MLLT1: variants seen among roughly 807,000 people sequenced by gnomAD.
The protein encoded by MLLT1 is MLLT1 super elongation complex subunit.
A neutral mutation model predicts 55.1 loss-of-function variants in MLLT1; 11 were observed. The ratio of observed to expected loss-of-function variants is 0.20; its 90% confidence interval spans 0.13 to 0.33. MLLT1 has a LOEUF of 0.33. Among genes scored for constraint, MLLT1 ranks in the 10% least tolerant of loss-of-function variants. MLLT1 has a pLI of 1.00. For synonymous variants in MLLT1, 323 were observed against 320.1 expected (o/e 1.01, Z -0.10); for missense variants, 536 against 760.6 (o/e 0.70, Z 3.47).
chr19:6,268,176 C>G (rs554680619), intron 2 of MLLT1, among the ~76,000 whole-genome samples: 3 of 152,276 alleles, frequency 2.0e-5, no homozygotes, highest in African/African-American at 4.8e-5. Flanking sequence ...CCAGAGGACT[C>G]CCTAAAAAGG....
At position 6,227,626 on chromosome 19, in the gene MLLT1, C is replaced by G. The variant is rs1186123968; in HGVS notation, c.421-524G>C. Among the ~76,000 whole-genome samples the G allele has an allele frequency of 6.6e-6, 1 of 152,220 alleles. No homozygotes were observed. Among genetic ancestry groups the G allele is most frequent in the Non-Finnish European group, 1.5e-5 (1 of 68,030 alleles). ...AGCGGACCCGAACAGGGCAAGAGCA[C>G]CCAGGCTGAGGCCGAGACCAAGGCA... is the stretch of plus-strand genomic sequence containing the variant. On this transcript the variant is annotated intron_variant, in intron 4 of 11. Coordinates refer to ENST00000252674, the MANE Select transcript of MLLT1 (RefSeq NM_005934.4). This position sits in a 1 kb window ranked among gnomAD's most constrained non-coding sequence, Gnocchi z 5.1.
At position 6,213,985 on chromosome 19, in the gene MLLT1, C is replaced by T; in HGVS notation, c.1361G>A (p.Ser454Asn). The change falls in exon 9 of 12, where the codon AGC becomes AAC. Residue 454 changes from serine to asparagine, a missense_variant. By Grantham distance (46) the Ser-to-Asn change is conservative. This residue lies in a region of MLLT1 where 449 missense variants were observed against 489.0 expected (regional missense o/e 0.92). Transcript: ENST00000252674. ...SDNSADSSLPSREPPPPQKPP... is the reference protein window; with the variant it reads ...SDNSADSSLPNREPPPPQKPP... Reference sequence around the variant, plus strand: ...CTTCTGGGGGGGTGGGGGCTCACGGCTGGGCAGGGAGGAGTCGGCGCTGTT... The same window carrying T: ...CTTCTGGGGGGGTGGGGGCTCACGGTTGGGCAGGGAGGAGTCGGCGCTGTT... 1 of 1,461,816 alleles carries T rather than the reference C, an allele frequency of 6.8e-7. No individual in the cohort carries two copies. 90.6% of individuals were successfully genotyped at this position (1,461,816 alleles called of 1,614,324 possible).
At chr19:6,213,704 C>A (rs369987405) in intron 10 of MLLT1, 22 bp downstream of exon 10, 146 of 1,604,836 alleles carry the variant, frequency 9.1e-5, no homozygotes, top group Non-Finnish European at 1.2e-4. Flanking sequence ...GCCTCCCCGC[C>A]TTGTCGTAGG....
At chr19:6,274,381 C>G (rs774955913) in intron 1 of MLLT1, among the ~76,000 whole-genome samples, 3 of 152,216 alleles carry the variant, frequency 2.0e-5, no homozygotes, top group African/African-American at 7.2e-5. Flanking sequence ...TAACCACCCC[C>G]CTTCCCCCAC....
intron 3 of MLLT1, among the ~76,000 whole-genome samples, chr19:6,257,862 G>A (rs901906832): frequency 6.6e-6 from 1 of 152,146 alleles, no homozygotes; most frequent in Non-Finnish European, 1.5e-5. Context: ...AAAGAGATAC[G>A]TGCAGCCAGC....
At chr19:6,224,836 T>G (rs1568278760) in intron 5 of MLLT1, among the ~76,000 whole-genome samples, 2 of 152,120 alleles carry the variant, frequency 1.3e-5, no homozygotes, top group Non-Finnish European at 2.9e-5. Flanking sequence ...TTCATGCCAT[T>G]CTCCTGCCTC....
intron 3 of MLLT1, among the ~76,000 whole-genome samples, chr19:6,239,158 C>G (rs2091091165): frequency 6.6e-6 from 1 of 152,238 alleles, no homozygotes; most frequent in African/African-American, 2.4e-5. Context: ...CTGTAAGGCA[C>G]TAGGCTCTCG....
In MLLT1 at chr19:6,219,532, C is replaced by T. The variant is rs2090875247; in HGVS notation, c.1111-1491G>A. Among the ~76,000 whole-genome samples, 3 of 152,180 alleles carry T rather than the reference C, an allele frequency of 2.0e-5. No homozygotes were observed. The South Asian group carries it at 6.2e-4, about 31-fold the overall frequency. The stretch of plus-strand genomic sequence containing the variant: ...CCAGCCTTCTAACCAGCAGGCCTTG[C>T]TACTCAGAACAAGGCCGTCCTATGT... On this transcript the variant is annotated intron_variant, in intron 6 of 11. Coordinates refer to ENST00000252674, the MANE Select transcript of MLLT1 (RefSeq NM_005934.4). This position sits in a 1 kb window ranked among gnomAD's most constrained non-coding sequence, Gnocchi z 4.5.
intron 3 of MLLT1, among the ~76,000 whole-genome samples, chr19:6,254,802 G>A (rs73557904): frequency 0.014 from 2,143 of 152,214 alleles, 62 homozygotes; most frequent in African/African-American, 0.046. Context: ...GGAACCACGC[G>A]GGATGCCCAC....
chr19:6,216,775 C>CT, intron 7 of MLLT1: 1 of 482,618 alleles, frequency 2.1e-6, no homozygotes, highest in South Asian at 2.6e-5. Flanking sequence ...GACTGGCCGG[C>CT]AGTGGGCGCG....
chr19:6,246,497 A>AAG (rs1230098349), intron 3 of MLLT1, among the ~76,000 whole-genome samples: 4 of 152,240 alleles, frequency 2.6e-5, no homozygotes, highest in Non-Finnish European at 5.9e-5. Context: ...AACATGGACA[A>AAG]ATCTAAGTGC....
At position 6,222,708 on chromosome 19, in the gene MLLT1, GC is replaced by G. The variant is rs2090914819; in HGVS notation, c.547-25del. The G allele has an allele frequency of 6.7e-7, 1 of 1,498,962 alleles. No individual in the cohort carries two copies. Among genetic ancestry groups the G allele is most frequent in the African/African-American group, 1.4e-5 (1 of 71,452 alleles). The allele number at this position is 1,498,962 out of a possible 1,614,324, so 92.9% of individuals were successfully genotyped here. A position where few individuals can be genotyped will look rare whatever the true frequency, so the allele number is the denominator to read the frequency against. On this transcript the variant is annotated intron_variant, in intron 5 of 11. Transcript: ENST00000252674. The surrounding 1 kb of genome is among the most constrained non-coding windows in gnomAD (Gnocchi z 4.1). ...TCCTGCAAGGCCAAGAGCAGGGAGG[GC>G]AAGGGGAGAGACAAGGTCACGTGGC...
chr19:6,237,545 C>A (rs2091073971), intron 3 of MLLT1, among the ~76,000 whole-genome samples: 1 of 149,220 alleles, frequency 6.7e-6, no homozygotes, highest in South Asian at 2.1e-4. Flanking sequence ...ATCACAAGGT[C>A]AGGAGATCGA....
chr19:6,278,470 G>A (rs938038333), intron 1 of MLLT1, among the ~76,000 whole-genome samples: 5 of 149,922 alleles, frequency 3.3e-5, no homozygotes, highest in African/African-American at 1.2e-4. Flanking sequence ...TTCAACTGAG[G>A]CTCTAAGATC....
chr19:6,241,635 C>T (rs2091113998), intron 3 of MLLT1, among the ~76,000 whole-genome samples: 1 of 152,230 alleles, frequency 6.6e-6, no homozygotes, highest in Non-Finnish European at 1.5e-5. Context: ...GGTTGCGCAG[C>T]ACCTCCTCTC....
chr19:6,216,166 G>T (rs1207899710), intron 8 of MLLT1, among the ~76,000 whole-genome samples: 1 of 152,124 alleles, frequency 6.6e-6, no homozygotes, highest in African/African-American at 2.4e-5. Flanking sequence ...GCCACCCAAG[G>T]CCCCAGATGG....
chr19:6,253,527 A>C (rs1401856243), intron 3 of MLLT1, among the ~76,000 whole-genome samples: 2 of 152,110 alleles, frequency 1.3e-5, no homozygotes, highest in Non-Finnish European at 2.9e-5. Context: ...ATACCACAAG[A>C]AAACCACACA....
At chr19:6,242,023 TGCTTGCAGAA>T (rs2091118249) in intron 3 of MLLT1, among the ~76,000 whole-genome samples, 1 of 152,186 alleles carries the variant, frequency 6.6e-6, no homozygotes, top group South Asian at 2.1e-4. Flanking sequence ...GGGAGGGAGT[TGCTTGCAGAA>T]GCGTTGCTCC....
In MLLT1 at chr19:6,227,158, C is replaced by G. The variant is rs1001103511; in HGVS notation, c.421-56G>C. The G allele has an allele frequency of 1.5e-5, 23 of 1,544,484 alleles. No homozygotes were observed. The East Asian group carries it at 5.9e-4, about 39-fold the overall frequency. ...ATGGGCAGGGGGCAGGGGGCCCACA[C>G]GGGCCGGGCTGAAGGTGGTGGGGCT... On this transcript the variant is annotated intron_variant, in intron 4 of 11. Coordinates refer to ENST00000252674, the MANE Select transcript of MLLT1 (RefSeq NM_005934.4). This position sits in a 1 kb window ranked among gnomAD's most constrained non-coding sequence, Gnocchi z 5.1.
Sources: allele counts gnomAD v4.1 joint callset (sites outside exome capture counted in the v4.1 genomes callset), GRCh38; gene constraint gnomAD v4.1.1; regional missense constraint gnomAD v4.1.1; non-coding constraint Gnocchi (gnomAD v3.1); transcripts MANE v1.5; gene names NCBI Gene and HGNC (gene_info 2026-07-23, HGNC 2026-07-21).